ROBO2: variants seen among roughly 807,000 people sequenced by gnomAD.
ROBO2 encodes the protein roundabout homolog 2.
ROBO2 carries 53 observed loss-of-function variants against 160.8 expected under a neutral mutation model. The observed-to-expected ratio is 0.33, with a 90% CI of 0.26 to 0.41. ROBO2 has a LOEUF of 0.41. Ranked by LOEUF, ROBO2 falls within the 10% of genes least tolerant of loss-of-function variation. The pLI is 1.00. For missense variants in ROBO2, 1,577 were observed against 1,722.4 expected (o/e 0.92, Z 1.49); for synonymous variants, 664 against 611.7 (o/e 1.09, Z -1.26).
At chr3:77,366,727 G>A (rs1352294418) in intron 2 of ROBO2, among the ~76,000 whole-genome samples, 1 of 152,078 alleles carries the variant, frequency 6.6e-6, no homozygotes, top group African/African-American at 2.4e-5. Context: ...AGGCAATGGG[G>A]AACCAGTGTA....
intron 2 of ROBO2, among the ~76,000 whole-genome samples, chr3:77,367,416 T>G (rs996018872): frequency 4.6e-5 from 7 of 151,936 alleles, no homozygotes; most frequent in African/African-American, 1.7e-4. Flanking sequence ...CAGTAGTTAA[T>G]GGTGGGCTTC....
chr3:76,555,474 A>G (rs2083732365), intron 2 of ROBO2, among the ~76,000 whole-genome samples: 1 of 148,874 alleles, frequency 6.7e-6, no homozygotes, highest in Admixed American at 6.6e-5. Flanking sequence ...GAAAAGAAAA[A>G]ATAGATCCCT....
chr3:76,390,403 T>A (rs1329190668), intron 2 of ROBO2, among the ~76,000 whole-genome samples: 1 of 152,166 alleles, frequency 6.6e-6, no homozygotes, highest in Non-Finnish European at 1.5e-5. Flanking sequence ...ACTGTCTTAT[T>A]ACAAATGTGT....
intron 2 of ROBO2, among the ~76,000 whole-genome samples, chr3:77,191,381 T>C (rs949764850): frequency 6.6e-6 from 1 of 152,112 alleles, no homozygotes; most frequent in Non-Finnish European, 1.5e-5. Context: ...AGGGACTCGG[T>C]GATAGGCCTA....
chr3:76,979,383 C>G (rs2059976411), intron 2 of ROBO2, among the ~76,000 whole-genome samples: 1 of 152,228 alleles, frequency 6.6e-6, no homozygotes, highest in East Asian at 1.9e-4. Flanking sequence ...CCCACTCTTC[C>G]AGGTCTCCAG....
At chr3:77,422,768 C>T (rs2153533714) in intron 2 of ROBO2, among the ~76,000 whole-genome samples, 1 of 152,202 alleles carries the variant, frequency 6.6e-6, no homozygotes, top group Non-Finnish European at 1.5e-5. Context: ...ATGGATGTGT[C>T]AGCCTATGAT....
chr3:77,114,451 A>G (rs1428569591), intron 2 of ROBO2, among the ~76,000 whole-genome samples: 1 of 151,984 alleles, frequency 6.6e-6, no homozygotes, highest in Non-Finnish European at 1.5e-5. Flanking sequence ...GCATTTCTTT[A>G]TGTGTCTTAT....
At chr3:75,988,959 G>A (rs1352565695) in intron 2 of ROBO2, among the ~76,000 whole-genome samples, 1 of 151,624 alleles carries the variant, frequency 6.6e-6, no homozygotes, top group Non-Finnish European at 1.5e-5. Flanking sequence ...ATCTTATATT[G>A]AATTTTTTAT....
At chr3:77,547,525 G>A (rs1161770725) in intron 7 of ROBO2, among the ~76,000 whole-genome samples, 1 of 152,094 alleles carries the variant, frequency 6.6e-6, no homozygotes, top group South Asian at 2.1e-4. Context: ...AAGCTTACAT[G>A]TGTTTATCTG....
At chr3:76,985,307 G>A (rs1310796825) in intron 2 of ROBO2, among the ~76,000 whole-genome samples, 1 of 151,926 alleles carries the variant, frequency 6.6e-6, no homozygotes, top group Non-Finnish European at 1.5e-5. Flanking sequence ...ATCTGGCCGG[G>A]CACGGTGGCT....
At chr3:76,371,963 T>G (rs1005824016) in intron 2 of ROBO2, among the ~76,000 whole-genome samples, 1 of 151,882 alleles carries the variant, frequency 6.6e-6, no homozygotes, top group Non-Finnish European at 1.5e-5. Flanking sequence ...AAATTATGGT[T>G]AAAAGAGTGT....
intron 2 of ROBO2, among the ~76,000 whole-genome samples, chr3:77,011,292 C>A (rs1306998638): frequency 6.6e-6 from 1 of 152,042 alleles, no homozygotes; most frequent in Non-Finnish European, 1.5e-5. Flanking sequence ...AGTTCAGGGT[C>A]TCCCCTATAG....
At chr3:76,098,895 A>G (rs1353706842) in intron 2 of ROBO2, among the ~76,000 whole-genome samples, 2 of 152,146 alleles carry the variant, frequency 1.3e-5, no homozygotes, top group South Asian at 2.1e-4. Flanking sequence ...AGTGAACAAC[A>G]TCTCATATTT....
intron 1 of ROBO2, among the ~76,000 whole-genome samples, chr3:75,932,073 A>G (rs2106943433): frequency 6.6e-6 from 1 of 152,174 alleles, no homozygotes; most frequent in South Asian, 2.1e-4. Flanking sequence ...CTGGCTGGAG[A>G]TCTGGCTTAA....
intron 2 of ROBO2, among the ~76,000 whole-genome samples, chr3:76,082,331 T>C (rs1034605631): frequency 6.6e-6 from 1 of 152,092 alleles, no homozygotes; most frequent in Non-Finnish European, 1.5e-5. Flanking sequence ...CTTTTAGATT[T>C]TTTTTTAAAC....
chr3:76,248,670 AAAAG>A (rs200341881), intron 2 of ROBO2, among the ~76,000 whole-genome samples: 48,804 of 147,466 alleles, frequency 0.33, 8,274 homozygotes, highest in Non-Finnish European at 0.39. Flanking sequence ...TAAAAAAAAA[AAAAG>A]AAATTCTTCC....
intron 2 of ROBO2, among the ~76,000 whole-genome samples, chr3:76,564,632 C>T (rs984471111): frequency 2.6e-5 from 4 of 152,170 alleles, no homozygotes; most frequent in Non-Finnish European, 5.9e-5. Context: ...TCTGTGAGGC[C>T]ATGACATTTT....
chr3:77,544,009 T>A (rs1391675293), intron 6 of ROBO2, among the ~76,000 whole-genome samples: 2 of 152,148 alleles, frequency 1.3e-5, no homozygotes, highest in African/African-American at 4.8e-5. Context: ...TTATTTTTCT[T>A]TATAGGATCA....
intron 2 of ROBO2, among the ~76,000 whole-genome samples, chr3:76,607,876 C>A (rs2087782325): frequency 6.6e-6 from 1 of 152,188 alleles, no homozygotes; most frequent in Non-Finnish European, 1.5e-5. Flanking sequence ...CTTCTTCCCA[C>A]CCACACTGTA....
Sources: gnomAD v4.1 joint callset for allele counts (sites outside exome capture counted in the v4.1 genomes callset) on GRCh38, gnomAD v4.1.1 for gene constraint, MANE v1.5 for transcripts, NCBI Gene and HGNC (gene_info 2026-07-23, HGNC 2026-07-21) for gene names.